The following ADAMTSL1 variants were observed in gnomAD, a reference collection of about 807,000 sequenced individuals.
ADAMTSL1 encodes ADAMTS-like protein 1.
In ADAMTSL1, 126 loss-of-function variants were observed where a neutral mutation model predicts 201.8. That is an observed-to-expected ratio of 0.62 (90% CI 0.54 to 0.72). ADAMTSL1 has a LOEUF of 0.72. ADAMTSL1 is among the 30% of genes least tolerant of loss of function. The probability of loss-of-function intolerance (pLI) is 0.00; values close to 1 mark genes in which losing one functional copy is unlikely to be tolerated. For synonymous variants in ADAMTSL1, 1,121 were observed against 903.4 expected (o/e 1.24, Z -4.32); for missense variants, 2,679 against 2,277.8 (o/e 1.18, Z -3.59).
chr9:18,716,658 A>C (rs985536152), intron 14 of ADAMTSL1, among the ~76,000 whole-genome samples: 4 of 146,928 alleles, frequency 2.7e-5, no homozygotes, highest in African/African-American at 1.0e-4. Context: ...AACTAGTTCA[A>C]CCATTGTGGA....
At chr9:18,712,831 G>A (rs1205669906) in intron 14 of ADAMTSL1, among the ~76,000 whole-genome samples, 2 of 150,620 alleles carry the variant, frequency 1.3e-5, no homozygotes, top group African/African-American at 4.9e-5. Flanking sequence ...AGGAAAAAAT[G>A]TTAAGGGCAG....
At chr9:18,390,437 G>C (rs1244621461) in intron 2 of ADAMTSL1, among the ~76,000 whole-genome samples, 1 of 152,170 alleles carries the variant, frequency 6.6e-6, no homozygotes, top group Non-Finnish European at 1.5e-5. Context: ...GTTCTAAACT[G>C]AAGGGAATTT....
At chr9:18,653,405 T>G (rs533529877) in intron 7 of ADAMTSL1, among the ~76,000 whole-genome samples, 2 of 152,280 alleles carry the variant, frequency 1.3e-5, no homozygotes, top group South Asian at 4.1e-4. Flanking sequence ...TTAGACAACA[T>G]TATACCTGTT....
intron 9 of ADAMTSL1, among the ~76,000 whole-genome samples, chr9:18,671,124 T>G (rs1829783328): frequency 6.6e-6 from 1 of 152,184 alleles, no homozygotes; most frequent in African/African-American, 2.4e-5. Context: ...CTTCAAATAT[T>G]TTCAGGCTAT....
chr9:18,089,905 A>G (rs189470205), intron 1 of ADAMTSL1, among the ~76,000 whole-genome samples: 1 of 151,938 alleles, frequency 6.6e-6, no homozygotes. Flanking sequence ...GATCTGTTAA[A>G]AGAGTAGAGC....
At chr9:18,718,204 C>T (rs1211667491) in intron 14 of ADAMTSL1, 9 of 776,572 alleles carry the variant, frequency 1.2e-5, no homozygotes, top group Admixed American at 8.6e-5. Flanking sequence ...ATCATTGGAA[C>T]ATCATCAGTG....
intron 2 of ADAMTSL1, among the ~76,000 whole-genome samples, chr9:18,377,733 AT>A (rs1837365029): frequency 6.6e-6 from 1 of 151,870 alleles, no homozygotes; most frequent in Admixed American, 6.6e-5. Flanking sequence ...CGCCCGGTTA[AT>A]TTTTTGTATT....
At chr9:18,241,401 A>C (rs1014626097) in intron 2 of ADAMTSL1, among the ~76,000 whole-genome samples, 2 of 151,976 alleles carry the variant, frequency 1.3e-5, no homozygotes, top group African/African-American at 4.8e-5. Flanking sequence ...ACACTTTCTT[A>C]AGCTTCCTAG....
At chr9:18,718,393 C>T (rs567774504) in intron 14 of ADAMTSL1, 10 of 698,428 alleles carry the variant, frequency 1.4e-5, no homozygotes, top group Non-Finnish European at 2.7e-5. Flanking sequence ...TGTGCATCTA[C>T]TTCAACTTGC....
chr9:18,252,775 C>A (rs538736445), intron 2 of ADAMTSL1, among the ~76,000 whole-genome samples: 1 of 152,068 alleles, frequency 6.6e-6, no homozygotes, highest in Non-Finnish European at 1.5e-5. Context: ...AGGAAATGAG[C>A]ATCTTAAATG....
In ADAMTSL1 at chr9:17,957,413, C is replaced by A. The variant is rs902736292; in HGVS notation, c.87+50491C>A. On this transcript the variant is annotated intron_variant, in intron 1 of 29. Coordinates refer to the ADAMTSL1 transcript ENST00000680146. Reference sequence around the variant, plus strand: ...AAGCCAATGGACTCGACAGATGCCACCACCAAGGCATGGACATCATCATTG... The same window carrying A: ...AAGCCAATGGACTCGACAGATGCCAACACCAAGGCATGGACATCATCATTG... Among the ~76,000 whole-genome samples the A allele has an allele frequency of 3.3e-5, 5 of 152,156 alleles. No homozygotes were observed. The South Asian group carries it at 1.0e-3, about 32-fold the overall frequency.
intron 2 of ADAMTSL1, among the ~76,000 whole-genome samples, chr9:18,295,485 T>C (rs911122808): frequency 3.3e-5 from 5 of 152,060 alleles, no homozygotes; most frequent in Non-Finnish European, 5.9e-5. Flanking sequence ...ACTACAGGCA[T>C]GCACCACCAT....
chr9:18,675,452 A>T (rs1160825392), intron 9 of ADAMTSL1, among the ~76,000 whole-genome samples: 1 of 152,222 alleles, frequency 6.6e-6, no homozygotes, highest in Non-Finnish European at 1.5e-5. Context: ...GAAGTGAGAC[A>T]GTTACTGTAA....
At chr9:18,851,285 T>G (rs1198743532) in intron 23 of ADAMTSL1, among the ~76,000 whole-genome samples, 2 of 152,144 alleles carry the variant, frequency 1.3e-5, no homozygotes, top group African/African-American at 2.4e-5. Flanking sequence ...GAAAGCAGTA[T>G]GAGCAGGTGA....
chr9:18,649,685 G>A (rs953120833), intron 7 of ADAMTSL1, among the ~76,000 whole-genome samples: 21 of 152,270 alleles, frequency 1.4e-4, no homozygotes, highest in Middle Eastern at 6.8e-3. Context: ...TATCAGCAGC[G>A]GTGTCTACAG....
At chr9:18,710,712 T>G (rs1832528888) in intron 14 of ADAMTSL1, among the ~76,000 whole-genome samples, 1 of 144,448 alleles carries the variant, frequency 6.9e-6, no homozygotes, top group Admixed American at 7.2e-5. Flanking sequence ...CTATTTTAAT[T>G]AAGGGTTTTA....
intron 20 of ADAMTSL1, among the ~76,000 whole-genome samples, chr9:18,811,375 G>T (rs948154317): frequency 4.3e-4 from 65 of 152,208 alleles, no homozygotes; most frequent in Non-Finnish European, 1.9e-4. Context: ...CACTGGGGTG[G>T]TGTAGAGGAG....
intron 2 of ADAMTSL1, among the ~76,000 whole-genome samples, chr9:18,222,747 G>A (rs1387375817): frequency 1.4e-5 from 2 of 144,198 alleles, no homozygotes; most frequent in Non-Finnish European, 3.0e-5. Context: ...TGTTTATTAT[G>A]TATAGAAAAC....
At chr9:18,190,790 C>T (rs1355916650) in intron 2 of ADAMTSL1, among the ~76,000 whole-genome samples, 2 of 152,178 alleles carry the variant, frequency 1.3e-5, no homozygotes. Flanking sequence ...ACTGCTGGTT[C>T]TTCCCATCAG....
Sources: gnomAD v4.1 joint callset for allele counts (sites outside exome capture counted in the v4.1 genomes callset) on GRCh38, gnomAD v4.1.1 for gene constraint, MANE v1.5 for transcripts, NCBI Gene and HGNC (gene_info 2026-07-23, HGNC 2026-07-21) for gene names.